NLRC5: variants seen among roughly 807,000 people sequenced by gnomAD.
NLRC5 encodes the protein NLR family CARD domain containing 5, also known as protein NLRC5.
In NLRC5, 114 loss-of-function variants were observed where a neutral mutation model predicts 206.9. The ratio of observed to expected loss-of-function variants is 0.55; its 90% confidence interval spans 0.47 to 0.64. The LOEUF (loss-of-function observed/expected upper bound fraction) is 0.64, where lower values mean the gene tolerates loss of function less well. Ranked by LOEUF, NLRC5 falls within the 30% of genes least tolerant of loss-of-function variation. The probability of loss-of-function intolerance (pLI) is 0.00; values close to 1 mark genes in which losing one functional copy is unlikely to be tolerated. For synonymous variants in NLRC5, 952 were observed against 962.8 expected, an observed-to-expected ratio of 0.99 and a Z score of 0.21; for missense variants, 2,008 against 2,305.5, an observed-to-expected ratio of 0.87 and a Z score of 2.64.
intron 4 of NLRC5, among the ~76,000 whole-genome samples, chr16:57,022,651 G>C (rs1226533525): frequency 1.3e-5 from 2 of 152,214 alleles, no homozygotes; most frequent in African/African-American, 4.8e-5. Context: ...GGCTTCATGG[G>C]GAAGCCCTAA....
At chr16:57,016,263 T>C (rs143298248) in intron 1 of NLRC5, among the ~76,000 whole-genome samples, 1,525 of 152,238 alleles carry the variant, frequency 0.01, 25 homozygotes, top group African/African-American at 0.028. Flanking sequence ...ATGTTATTAG[T>C]CCCCCAGGAC....
intron 38 of NLRC5, among the ~76,000 whole-genome samples, chr16:57,070,824 G>C (rs1306923): frequency 0.32 from 47,620 of 147,194 alleles, 9,665 homozygotes; most frequent in Non-Finnish European, 0.44. Flanking sequence ...GGGGAATGGG[G>C]TGAGTGAGTG....
At chr16:57,073,087 C>T (rs1328981274) in intron 38 of NLRC5, among the ~76,000 whole-genome samples, 3 of 152,178 alleles carry the variant, frequency 2.0e-5, no homozygotes, top group Non-Finnish European at 2.9e-5. Flanking sequence ...TGAGGTCATT[C>T]ATTGGCTCAT....
chr16:57,069,906 T>A lies in NLRC5; in HGVS notation c.4570T>A (p.Leu1524Met). Residue 1524 changes from leucine to methionine, a missense_variant, in exon 37 of 49, where the codon TTG becomes ATG. Coordinates refer to ENST00000688547, the MANE Select transcript of NLRC5 (RefSeq NM_001384950.1). ...LASGLGHCHH[L>M]EELDLSNNQF... ...ATCTGGTCTGGGCCACTGCCACCAC[T>A]TGGAGGAGCTGGAGTGAGTTGCAGA... is the stretch of plus-strand genomic sequence containing the variant. 6.3e-7 allele frequency: 1 copy of A among 1,579,996 alleles called. No homozygotes were observed. The highest frequency in any genetic ancestry group is 8.6e-7 in the Non-Finnish European group (1 of 1,163,418).
rs1248321681 is a variant in NLRC5 at position 57,076,969 on chromosome 16, G to T, written c.4835+67G>T. On this transcript the variant is annotated intron_variant, in intron 40 of 48. Coordinates refer to ENST00000688547, the MANE Select transcript of NLRC5 (RefSeq NM_001384950.1). ...CCGGGAAAGATGACAAGGGCAAGGG[G>T]CTACCTGAGCACGCCCTTTGCTTCT... 7 of 1,358,558 alleles carry T rather than the reference G, an allele frequency of 5.2e-6. No homozygotes were observed. In the African/African-American group the frequency reaches 8.6e-5, roughly 17 times the overall value. The allele number at this position is 1,358,558 out of a possible 1,614,324, so 84.2% of individuals were successfully genotyped here.
intron 5 of NLRC5, 122 bp downstream of exon 5, chr16:57,023,975 C>T (rs554873073): frequency 1.1e-6 from 1 of 909,382 alleles, no homozygotes; most frequent in South Asian, 1.6e-5. Context: ...TCTTGTCTCG[C>T]AAGTTTCCAG....
chr16:57,077,731 T>C lies in NLRC5; in HGVS notation c.4932T>C (p.Asn1644=), dbSNP rs767415769. Residue 1644 remains asparagine (N), a synonymous_variant, in exon 42 of 49, where the codon AAT becomes AAC. Transcript: ENST00000688547. ...CCCCCTCCCACAGCCTCTCAGGGAA[T>C]AGCATCAGCTCAGCCGGGGGAGTGC... ...PELRKIDLSG[N]SISSAGGVQL... is the part of the protein sequence containing the mutation. The C allele has an allele frequency of 1.1e-5, 18 of 1,591,192 alleles. No individual in the cohort carries two copies. In the Admixed American group the frequency reaches 1.6e-4, roughly 14 times the overall value.
At chr16:57,023,938 C>T in intron 5 of NLRC5, 85 bp downstream of exon 5, 4 of 1,244,062 alleles carry the variant, frequency 3.2e-6, no homozygotes, top group Non-Finnish European at 4.6e-6. Flanking sequence ...TTGTCCCCTG[C>T]CAATAAGCCT....
intron 1 of NLRC5, among the ~76,000 whole-genome samples, chr16:57,005,160 G>T (rs952683808): frequency 6.6e-6 from 1 of 152,106 alleles, no homozygotes; most frequent in Admixed American, 6.6e-5. Context: ...AAAGTTCATC[G>T]GGTTTTATTT....
intron 1 of NLRC5, among the ~76,000 whole-genome samples, chr16:57,011,281 T>G (rs2059464287): frequency 6.6e-6 from 1 of 151,800 alleles, no homozygotes; most frequent in Non-Finnish European, 1.5e-5. Context: ...GGCATGGTGG[T>G]GGGTGCCTAT....
At chr16:57,070,157 A>G (rs2067473179) in intron 37 of NLRC5, among the ~76,000 whole-genome samples, 1 of 151,942 alleles carries the variant, frequency 6.6e-6, no homozygotes, top group Admixed American at 6.6e-5. Flanking sequence ...CTGGGCTTTG[A>G]TTGCCTTATC....
At chr16:57,007,151 C>T (rs2059005853) in intron 1 of NLRC5, among the ~76,000 whole-genome samples, 1 of 152,138 alleles carries the variant, frequency 6.6e-6, no homozygotes, top group Admixed American at 6.5e-5. Context: ...CCTTTCCCAG[C>T]AGGCCCAGAT....
intron 38 of NLRC5, among the ~76,000 whole-genome samples, chr16:57,073,718 C>T (rs1440529875): frequency 6.6e-6 from 1 of 152,208 alleles, no homozygotes; most frequent in Non-Finnish European, 1.5e-5. Context: ...CTCAGCCTCC[C>T]AAGTAGCTGG....
chr16:57,024,686 G>A (rs1218211565), intron 5 of NLRC5, among the ~76,000 whole-genome samples: 2 of 152,200 alleles, frequency 1.3e-5, no homozygotes, highest in Non-Finnish European at 1.5e-5. Context: ...TGGGGATCCA[G>A]ATATTACAGA....
intron 1 of NLRC5, among the ~76,000 whole-genome samples, chr16:56,995,274 T>C (rs2057461494): frequency 6.6e-6 from 1 of 152,166 alleles, no homozygotes; most frequent in African/African-American, 2.4e-5. Flanking sequence ...GGAGAGGCCA[T>C]AGCCTCCTAT....
At chr16:57,038,587 A>C (rs1341188822) in intron 15 of NLRC5, among the ~76,000 whole-genome samples, 1 of 30,056 alleles carries the variant, frequency 3.3e-5, no homozygotes, top group Non-Finnish European at 1.5e-4. Flanking sequence ...CATTATCTTA[A>C]AAGATTATAA....
At chr16:57,003,850 T>A (rs1324922801) in intron 1 of NLRC5, 1 of 152,038 alleles carries the variant, frequency 6.6e-6, no homozygotes, top group Non-Finnish European at 1.5e-5. Context: ...AGATCCTCAT[T>A]TTACAGATGA....
intron 1 of NLRC5, among the ~76,000 whole-genome samples, chr16:57,001,736 C>T (rs574057491): frequency 2.4e-4 from 36 of 152,250 alleles, no homozygotes; most frequent in African/African-American, 8.4e-4. Flanking sequence ...AGCATTTATC[C>T]TTTGTGTTGC....
intron 4 of NLRC5, among the ~76,000 whole-genome samples, chr16:57,023,521 G>A (rs1021184799): frequency 9.2e-5 from 14 of 152,090 alleles, no homozygotes; most frequent in African/African-American, 3.4e-4. Context: ...GCTGGCTGTT[G>A]GCCCTGCTTC....
Sources: allele counts gnomAD v4.1 joint callset (sites outside exome capture counted in the v4.1 genomes callset), GRCh38; gene constraint gnomAD v4.1.1; transcripts MANE v1.5; gene names NCBI Gene and HGNC (gene_info 2026-07-23, HGNC 2026-07-21).